The following FAM120B variants were observed in gnomAD, a reference collection of about 807,000 sequenced individuals.
The protein encoded by FAM120B is family with sequence similarity 120 member B.
A neutral mutation model predicts 96.3 loss-of-function variants in FAM120B; 83 were observed. The observed-to-expected ratio is 0.86, with a 90% CI of 0.72 to 1.03. The LOEUF (loss-of-function observed/expected upper bound fraction) is 1.03. Among genes scored for constraint, FAM120B ranks in the 50% least tolerant of loss-of-function variants. FAM120B has a pLI of 0.00. For synonymous variants in FAM120B, 407 were observed against 402.7 expected (o/e 1.01, Z -0.13); for missense variants, 1,027 against 1,121.2 (o/e 0.92, Z 1.20).
At chr6:170,362,076 G>T (rs1788495924) in intron 6 of FAM120B, among the ~76,000 whole-genome samples, 1 of 152,214 alleles carries the variant, frequency 6.6e-6, no homozygotes, top group South Asian at 2.1e-4. Context: ...TTATAGGTGT[G>T]AGCCACCACA....
intron 9 of FAM120B, among the ~76,000 whole-genome samples, chr6:170,399,575 A>G (rs1280923289): frequency 6.6e-6 from 1 of 150,858 alleles, no homozygotes; most frequent in East Asian, 2.1e-4. Context: ...AGGTAGAACT[A>G]TGTCATAACC....
chr6:170,321,834 A>G (rs149543000), intron 2 of FAM120B, among the ~76,000 whole-genome samples: 2 of 152,336 alleles, frequency 1.3e-5, no homozygotes, highest in African/African-American at 4.8e-5. Context: ...GAAGGTAAGG[A>G]ACAGAGAGAT....
intron 9 of FAM120B, among the ~76,000 whole-genome samples, chr6:170,398,784 G>T (rs9460003): frequency 0.48 from 38,843 of 81,036 alleles, 9,647 homozygotes; most frequent in Non-Finnish European, 0.52. Flanking sequence ...AGGAGTGAGT[G>T]GGGAAGGTAG....
intron 6 of FAM120B, among the ~76,000 whole-genome samples, chr6:170,372,240 C>A (rs1950461111): frequency 1.3e-5 from 2 of 151,976 alleles, no homozygotes; most frequent in Admixed American, 6.6e-5. Context: ...TTGATTTAGT[C>A]CTAAAAGCTA....
At position 170,317,783 on chromosome 6, in the gene FAM120B, C is replaced by T. The variant is rs1478572781; in HGVS notation, c.393C>T (p.Phe131=). 2.5e-6 allele frequency: 4 copies of T among 1,614,192 alleles called. No individual in the cohort carries two copies. Among genetic ancestry groups the T allele is most frequent in the Non-Finnish European group, 2.5e-6 (3 of 1,180,036 alleles). ...SHKEQPGRNM[F]FIPSGLAVFT... ...AGGAGCAGCCAGGCAGAAATATGTT[C>T]TTCATCCCCTCAGGGCTAGCTGTGT... The change falls in exon 2 of 11, where the codon TTC becomes TTT. Residue 131 remains phenylalanine, a synonymous_variant. Coordinates refer to ENST00000476287, the MANE Select transcript of FAM120B (RefSeq NM_032448.3).
intron 9 of FAM120B, among the ~76,000 whole-genome samples, chr6:170,403,618 C>T (rs1778693446): frequency 6.6e-6 from 1 of 152,138 alleles, no homozygotes. Context: ...AGGCAGCTGC[C>T]CCGAGAACAA....
intron 5 of FAM120B, among the ~76,000 whole-genome samples, chr6:170,354,260 C>T (rs886258867): frequency 6.6e-6 from 1 of 152,136 alleles, no homozygotes; most frequent in African/African-American, 2.4e-5. Flanking sequence ...ACACTATATA[C>T]AAAAATTAAC....
At chr6:170,403,421 T>G (rs1472215923) in intron 9 of FAM120B, among the ~76,000 whole-genome samples, 1 of 148,436 alleles carries the variant, frequency 6.7e-6, no homozygotes, top group Non-Finnish European at 1.5e-5. Flanking sequence ...TGTCACTATT[T>G]CCAGGGCAAT....
chr6:170,361,255 CGTGT>C (rs1788439500), intron 6 of FAM120B, among the ~76,000 whole-genome samples: 2 of 50,512 alleles, frequency 4.0e-5, no homozygotes, highest in Admixed American at 2.5e-4. Context: ...TATATATATA[CGTGT>C]ATATATATAG....
At chr6:170,361,104 G>T (rs1788327920) in intron 6 of FAM120B, among the ~76,000 whole-genome samples, 1 of 151,152 alleles carries the variant, frequency 6.6e-6, no homozygotes. Flanking sequence ...GTAAGTCACT[G>T]TTGCTCATAG....
At chr6:170,298,870 G>T (rs1469188088) in intron 1 of FAM120B, among the ~76,000 whole-genome samples, 1 of 152,174 alleles carries the variant, frequency 6.6e-6, no homozygotes, top group Non-Finnish European at 1.5e-5. Context: ...GGGCACCAAG[G>T]AGCCAACCAC....
upstream of FAM120B, among the ~76,000 whole-genome samples, chr6:170,302,959 C>T (rs1330536783): frequency 6.6e-6 from 1 of 152,168 alleles, no homozygotes; most frequent in East Asian, 1.9e-4. Context: ...CTGTAGTGTA[C>T]TGTAGTCATA....
intron 4 of FAM120B, among the ~76,000 whole-genome samples, chr6:170,338,661 C>G (rs1033015073): frequency 6.6e-6 from 1 of 152,074 alleles, no homozygotes; most frequent in African/African-American, 2.4e-5. Flanking sequence ...GTCTAAGTCT[C>G]TTTGTAGGTC....
In FAM120B at chr6:170,405,548, AG is replaced by A. The variant is rs2115353250; in HGVS notation, c.*798del. On this transcript the variant is annotated 3_prime_UTR_variant, in exon 11 of 11. Coordinates refer to ENST00000476287, the MANE Select transcript of FAM120B (RefSeq NM_032448.3). Reference sequence around the variant, plus strand: ...CCATTTAATTTAATTTTCAGACTTCAGTTGACCATGAGTAACCGAAACCACA... The same window carrying A: ...CCATTTAATTTAATTTTCAGACTTCATTGACCATGAGTAACCGAAACCACA... The A allele has an allele frequency of 1.3e-5, 2 of 152,382 alleles. No individual in the cohort carries two copies. Among genetic ancestry groups the A allele is most frequent in the African/African-American group, 4.8e-5 (2 of 41,598 alleles). The allele number at this position is 152,382 out of a possible 1,614,324, so 9.4% of individuals were successfully genotyped here.
intron 1 of FAM120B, among the ~76,000 whole-genome samples, chr6:170,315,256 C>G (rs941421517): frequency 5.3e-5 from 8 of 152,166 alleles, no homozygotes; most frequent in Non-Finnish European, 7.4e-5. Context: ...CCATGCAAGG[C>G]CTGTTTAAAT....
intron 5 of FAM120B, among the ~76,000 whole-genome samples, chr6:170,355,306 T>C (rs1261210036): frequency 6.6e-6 from 1 of 152,112 alleles, no homozygotes; most frequent in African/African-American, 2.4e-5. Context: ...GCAAAGACAT[T>C]GAATCAACCT....
chr6:170,388,507 CACCT>C lies in FAM120B; in HGVS notation c.2490+19_2490+22del, dbSNP rs764096914. ...TTAGAACAAAATGTGAGTTCACAGA[CACCT>C]ACCTTTCACCAGAAACATCCCTGTA... On this transcript the variant is annotated intron_variant, in intron 7 of 10. Coordinates refer to ENST00000476287, the MANE Select transcript of FAM120B (RefSeq NM_032448.3). The C allele has an allele frequency of 1.9e-6, 3 of 1,607,552 alleles. No homozygotes were observed. The highest frequency in any genetic ancestry group is 2.6e-6 in the Non-Finnish European group (3 of 1,174,020).
chr6:170,372,649 TG>T (rs1789267062), intron 6 of FAM120B, among the ~76,000 whole-genome samples: 1 of 152,212 alleles, frequency 6.6e-6, no homozygotes, highest in Non-Finnish European at 1.5e-5. Flanking sequence ...GCAGTGCTGC[TG>T]GGTTGGTGGG....
intron 6 of FAM120B, among the ~76,000 whole-genome samples, chr6:170,371,578 A>C (rs1448603866): frequency 1.3e-5 from 2 of 152,218 alleles, no homozygotes; most frequent in African/African-American, 4.8e-5. Flanking sequence ...GTGTGTAAAA[A>C]ACATTTGGAA....
Sources: allele counts gnomAD v4.1 joint callset (sites outside exome capture counted in the v4.1 genomes callset), GRCh38; gene constraint gnomAD v4.1.1; transcripts MANE v1.5; gene names NCBI Gene and HGNC (gene_info 2026-07-23, HGNC 2026-07-21).